Variants in MUC13 observed in about 807,000 individuals in gnomAD.
MUC13 encodes mucin 13, cell surface associated.
In MUC13, 32 loss-of-function variants were observed where a neutral mutation model predicts 48.3. The ratio of observed to expected loss-of-function variants is 0.66; its 90% confidence interval spans 0.50 to 0.89. The LOEUF (loss-of-function observed/expected upper bound fraction) is 0.89, where lower values mean the gene tolerates loss of function less well. MUC13 is among the 40% of genes least tolerant of loss of function. The pLI is 0.00. For synonymous variants in MUC13, 199 were observed against 224.9 expected (o/e 0.88, Z 1.03); for missense variants, 571 against 622.8 (o/e 0.92, Z 0.88).
At chr3:124,909,719 G>A (rs1212414284) in intron 10 of MUC13, among the ~76,000 whole-genome samples, 1 of 152,112 alleles carries the variant, frequency 6.6e-6, no homozygotes, top group Non-Finnish European at 1.5e-5. Context: ...AACCCAGGGG[G>A]TTCAGTTGAG....
rs761569851 is a variant in MUC13 at position 124,916,490 on chromosome 3, A to G, written c.801-10T>C. On this transcript the variant is annotated splice_polypyrimidine_tract_variant and intron_variant, in intron 5 of 11. Transcript: ENST00000616727. ...TGGTGACAGAGATGTGCTAAAAATG[A>G]GATGAATCTGTCACTTAATGAATTG... 3 of 1,604,830 alleles carry G rather than the reference A, an allele frequency of 1.9e-6. No homozygotes were observed. The South Asian group carries it at 3.4e-5, about 18-fold the overall frequency.
At chr3:124,926,575 C>A (rs901105211) in intron 2 of MUC13, among the ~76,000 whole-genome samples, 3 of 152,130 alleles carry the variant, frequency 2.0e-5, no homozygotes, top group African/African-American at 7.2e-5. Flanking sequence ...AGGAAGCTAC[C>A]AGAAGTTAAG....
rs907263923 is a variant in MUC13, at chr3:124,923,772, C to T, written c.515-123G>A. ...TTTCCATTCCTTGCTTGTGTTACTC[C>T]ACAGCACACTTTTGGAAGAGTTAAA... On this transcript the variant is annotated intron_variant, in intron 2 of 11. Coordinates refer to ENST00000616727, the MANE Select transcript of MUC13 (RefSeq NM_033049.4). The T allele has an allele frequency of 1.7e-5, 15 of 901,612 alleles. No individual in the cohort carries two copies. In the Middle Eastern group the frequency reaches 6.8e-4, roughly 41 times the overall value. The allele number at this position is 901,612 out of a possible 1,614,324, so 55.9% of individuals were successfully genotyped here. A position where few individuals can be genotyped will look rare whatever the true frequency, so the allele number is the denominator to read the frequency against.
chr3:124,921,376 C>G (rs570548757), intron 4 of MUC13, among the ~76,000 whole-genome samples: 1 of 152,282 alleles, frequency 6.6e-6, no homozygotes, highest in Admixed American at 6.5e-5. Context: ...GTTTCAAACT[C>G]CTGACCTCAA....
At position 124,927,796 on chromosome 3, in the gene MUC13, T is replaced by C. The variant is rs1361134086; in HGVS notation, c.250A>G (p.Thr84Ala). Reference protein sequence around the residue: ...ISTHSSSTIPTPAPPIISTHS... With the variant: ...ISTHSSSTIPAPAPPIISTHS... ...GTACTAATTATGGGGGGAGCAGGTG[T>C]AGGAATTGTGGAGGAACTATGTGTA... Residue 84 changes from threonine to alanine, a missense_variant, in exon 2 of 12, where the codon ACA becomes GCA. Transcript: ENST00000616727. 1 of 1,612,926 alleles carries C rather than the reference T, an allele frequency of 6.2e-7. No homozygotes were observed. The highest frequency in any genetic ancestry group is 1.3e-5 in the African/African-American group (1 of 74,424).
At chr3:124,914,317 G>A (rs1361504627) in intron 6 of MUC13, among the ~76,000 whole-genome samples, 1 of 152,122 alleles carries the variant, frequency 6.6e-6, no homozygotes, top group African/African-American at 2.4e-5. Flanking sequence ...GGCTGAGGCA[G>A]GGGAATTGCT....
chr3:124,918,860 G>A (rs1935547015), intron 5 of MUC13, among the ~76,000 whole-genome samples: 1 of 152,166 alleles, frequency 6.6e-6, no homozygotes, highest in Non-Finnish European at 1.5e-5. Context: ...CAGAGCCACT[G>A]TGTTTGGGCC....
intron 10 of MUC13, among the ~76,000 whole-genome samples, chr3:124,910,136 G>C (rs1254775771): frequency 6.6e-6 from 1 of 152,158 alleles, no homozygotes; most frequent in East Asian, 1.9e-4. Flanking sequence ...AAAAAAGTCA[G>C]TGGTACTAGA....
At chr3:124,908,592 T>A (rs1256947765) in intron 10 of MUC13, among the ~76,000 whole-genome samples, 1 of 152,296 alleles carries the variant, frequency 6.6e-6, no homozygotes, top group East Asian at 1.9e-4. Flanking sequence ...TATGAAAGAA[T>A]AAGTTGCAGA....
At chr3:124,931,481 C>T (rs1935796151) in intron 1 of MUC13, among the ~76,000 whole-genome samples, 1 of 151,422 alleles carries the variant, frequency 6.6e-6, no homozygotes, top group African/African-American at 2.4e-5. Flanking sequence ...GGCGCGGTGG[C>T]TCATGCCTGT....
At chr3:124,910,543 C>T in intron 9 of MUC13, 44 bp from the exon 10 acceptor site, 1 of 1,610,362 alleles carries the variant, frequency 6.2e-7, no homozygotes, top group South Asian at 1.1e-5. Flanking sequence ...ACAAGCTGGC[C>T]CCCAACTGTC....
intron 2 of MUC13, among the ~76,000 whole-genome samples, chr3:124,924,938 A>C (rs974782832): frequency 6.6e-6 from 1 of 152,218 alleles, no homozygotes; most frequent in African/African-American, 2.4e-5. Flanking sequence ...TACAAAAATA[A>C]ACATACTCTT....
intron 6 of MUC13, 80 bp from the exon 7 acceptor site, chr3:124,913,761 T>C (rs1034130462): frequency 9.1e-6 from 14 of 1,543,210 alleles, no homozygotes; most frequent in Admixed American, 3.4e-5. Flanking sequence ...CCCCACCCCA[T>C]TGCTGTTATA....
intron 1 of MUC13, 105 bp from the exon 2 acceptor site, chr3:124,928,098 T>A (rs1361693043): frequency 4.3e-6 from 4 of 920,544 alleles, no homozygotes; most frequent in South Asian, 3.9e-5. Context: ...TTTTTTTTTT[T>A]AGAGGTAGGG....
At chr3:124,932,758 G>T (rs1354610951) in intron 1 of MUC13, among the ~76,000 whole-genome samples, 2 of 151,900 alleles carry the variant, frequency 1.3e-5, no homozygotes, top group Admixed American at 1.3e-4. Flanking sequence ...AGACACTGAG[G>T]GTCAGAGACA....
At chr3:124,917,337 A>G (rs1184159528) in intron 5 of MUC13, among the ~76,000 whole-genome samples, 1 of 143,436 alleles carries the variant, frequency 7.0e-6, no homozygotes, top group African/African-American at 2.6e-5. Context: ...GTTTTTTTCT[A>G]TACACCTTTT....
intron 2 of MUC13, among the ~76,000 whole-genome samples, chr3:124,926,266 C>T (rs893679385): frequency 2.6e-5 from 4 of 152,182 alleles, no homozygotes; most frequent in South Asian, 2.1e-4. Flanking sequence ...AGTTCAGTCT[C>T]GCCTTATTGC....
chr3:124,921,797 TTC>T (rs1336250982), intron 4 of MUC13, among the ~76,000 whole-genome samples: 14 of 152,262 alleles, frequency 9.2e-5, no homozygotes, highest in Admixed American at 2.6e-4. Flanking sequence ...TTTAAATTTT[TTC>T]TCTTTCATTC....
chr3:124,919,865 C>T (rs1935564128), intron 5 of MUC13, among the ~76,000 whole-genome samples: 1 of 152,140 alleles, frequency 6.6e-6, no homozygotes, highest in African/African-American at 2.4e-5. Context: ...TGATCACGGG[C>T]CATTCAGTCT....
Sources: gnomAD v4.1 joint callset for allele counts (sites outside exome capture counted in the v4.1 genomes callset) on GRCh38, gnomAD v4.1.1 for gene constraint, MANE v1.5 for transcripts, NCBI Gene and HGNC (gene_info 2026-07-23, HGNC 2026-07-21) for gene names.